ILDR1: variants seen among roughly 807,000 people sequenced by gnomAD.
ILDR1 encodes the protein immunoglobulin like domain containing receptor 1.
ILDR1 carries 56 observed loss-of-function variants against 62.4 expected under a neutral mutation model. The observed-to-expected ratio is 0.90, with a 90% CI of 0.72 to 1.12. The LOEUF (loss-of-function observed/expected upper bound fraction) is 1.12. Among genes scored for constraint, ILDR1 ranks in the 50% most tolerant of loss-of-function variants. ILDR1 has a pLI of 0.00. For synonymous variants in ILDR1, 284 were observed against 277.8 expected, an observed-to-expected ratio of 1.02 and a Z score of -0.22; for missense variants, 736 against 710.6, an observed-to-expected ratio of 1.04 and a Z score of -0.41.
chr3:122,015,208 A>T (rs921147283), intron 1 of ILDR1, among the ~76,000 whole-genome samples: 5 of 152,358 alleles, frequency 3.3e-5, no homozygotes, highest in Middle Eastern at 6.8e-3. Context: ...AAACAGACAC[A>T]TGTATCCAAA....
chr3:122,025,010 A>G (rs1295707755), upstream of ILDR1, among the ~76,000 whole-genome samples: 2 of 152,246 alleles, frequency 1.3e-5, no homozygotes, highest in Non-Finnish European at 2.9e-5. Flanking sequence ...CACATGTGCC[A>G]TTCGTCCAAT....
intron 5 of ILDR1, among the ~76,000 whole-genome samples, chr3:121,994,942 T>C (rs1176585411): frequency 1.3e-5 from 2 of 152,240 alleles, no homozygotes; most frequent in East Asian, 1.9e-4. Context: ...CTTCCCGCCT[T>C]ATTAAGTATT....
intron 1 of ILDR1, among the ~76,000 whole-genome samples, chr3:122,021,594 A>G (rs1431590440): frequency 6.6e-6 from 1 of 152,242 alleles, no homozygotes; most frequent in Non-Finnish European, 1.5e-5. Flanking sequence ...ATTGCTTTAC[A>G]TACTGAGGAC....
chr3:122,040,046 A>T, the ILDR1 span, among the ~76,000 whole-genome samples: 1 of 151,974 alleles, frequency 6.6e-6, no homozygotes, highest in African/African-American at 2.4e-5. Flanking sequence ...AGATATTTTA[A>T]ATCTATGTTA....
At chr3:122,044,932 A>T in the ILDR1 span, among the ~76,000 whole-genome samples, 1 of 146,498 alleles carries the variant, frequency 6.8e-6, no homozygotes, top group Non-Finnish European at 1.5e-5. Flanking sequence ...TTCTGCTCTG[A>T]TTTTAGTTAT....
intron 1 of ILDR1, chr3:122,007,403 G>A (rs1179473410): frequency 1.0e-5 from 7 of 669,460 alleles, no homozygotes; most frequent in Non-Finnish European, 1.8e-5. Flanking sequence ...GGAATTTACA[G>A]TGCATTAACA....
At chr3:122,030,636 T>C in the ILDR1 span, among the ~76,000 whole-genome samples, 1 of 151,610 alleles carries the variant, frequency 6.6e-6, no homozygotes, top group East Asian at 1.9e-4. Context: ...TCTCTCTCTC[T>C]CTCTCTCTCT....
At chr3:121,994,789 T>A (rs2071412518) in intron 5 of ILDR1, among the ~76,000 whole-genome samples, 1 of 152,210 alleles carries the variant, frequency 6.6e-6, no homozygotes, top group African/African-American at 2.4e-5. Context: ...GGCATGATAC[T>A]GAAGATAATG....
the ILDR1 span, among the ~76,000 whole-genome samples, chr3:122,053,201 T>C: frequency 6.6e-6 from 1 of 152,234 alleles, no homozygotes; most frequent in South Asian, 2.1e-4. Context: ...TGCATTTCCC[T>C]AATGACTAGT....
chr3:122,007,737 C>A (rs964485423), intron 1 of ILDR1, among the ~76,000 whole-genome samples: 1 of 152,172 alleles, frequency 6.6e-6, no homozygotes, highest in South Asian at 2.1e-4. Flanking sequence ...TCCACATCAC[C>A]TGCCACTGCT....
At chr3:122,006,891 T>C in intron 2 of ILDR1, 100 bp downstream of exon 2, 1 of 1,309,466 alleles carries the variant, frequency 7.6e-7, no homozygotes, top group East Asian at 2.5e-5. Context: ...TTCTCCTCAC[T>C]ACCAAGATTT....
At chr3:121,996,785 G>T (rs1473304802) in intron 5 of ILDR1, among the ~76,000 whole-genome samples, 4 of 152,234 alleles carry the variant, frequency 2.6e-5, no homozygotes, top group African/African-American at 9.6e-5. Flanking sequence ...TAATGTAGGA[G>T]TCAACTTGGA....
At chr3:122,022,919 AAATAAAT>A (rs1461632575), upstream of ILDR1, among the ~76,000 whole-genome samples, 1 of 33,320 alleles carries the variant, frequency 3.0e-5, no homozygotes, top group Non-Finnish European at 8.6e-5. Context: ...TCTCGAAAAT[AAATAAAT>A]AAATAAATAA....
At chr3:122,031,714 T>C in the ILDR1 span, among the ~76,000 whole-genome samples, 3 of 152,296 alleles carry the variant, frequency 2.0e-5, no homozygotes, top group Admixed American at 6.5e-5. Flanking sequence ...AAGTCTGTCC[T>C]CACCAGACAT....
At chr3:122,056,083 A>G in the ILDR1 span, among the ~76,000 whole-genome samples, 1 of 152,126 alleles carries the variant, frequency 6.6e-6, no homozygotes, top group South Asian at 2.1e-4. Flanking sequence ...TACTAGTGCT[A>G]TTTCATTGAA....
At chr3:122,048,437 G>C in the ILDR1 span, among the ~76,000 whole-genome samples, 1 of 152,156 alleles carries the variant, frequency 6.6e-6, no homozygotes, top group African/African-American at 2.4e-5. Context: ...CACTGGCCTT[G>C]TAAAATGAGT....
the ILDR1 span, among the ~76,000 whole-genome samples, chr3:122,052,726 G>T: frequency 6.6e-6 from 1 of 152,268 alleles, no homozygotes; most frequent in Admixed American, 6.5e-5. Context: ...GTGCCAGCAT[G>T]CCTGGCTAAT....
upstream of ILDR1, among the ~76,000 whole-genome samples, chr3:122,025,030 A>G (rs2071908678): frequency 1.3e-5 from 2 of 152,222 alleles, no homozygotes; most frequent in African/African-American, 4.8e-5. Context: ...TAAAGATTAG[A>G]TAAGAGCATG....
chr3:122,007,540 T>C (rs1316321990), intron 1 of ILDR1, among the ~76,000 whole-genome samples: 1 of 152,218 alleles, frequency 6.6e-6, no homozygotes, highest in East Asian at 1.9e-4. Context: ...TCCCGTTTCC[T>C]AAGGATAAAG....
Sources: gnomAD v4.1 joint callset for allele counts (sites outside exome capture counted in the v4.1 genomes callset) on GRCh38, gnomAD v4.1.1 for gene constraint, MANE v1.5 for transcripts, NCBI Gene and HGNC (gene_info 2026-07-23, HGNC 2026-07-21) for gene names.